Variants in PCDHGA5 observed in about 807,000 individuals in gnomAD.
PCDHGA5 encodes the protein protocadherin gamma subfamily A, 5.
A neutral mutation model predicts 56.7 loss-of-function variants in PCDHGA5; 36 were observed. The observed-to-expected ratio is 0.64, with a 90% CI of 0.49 to 0.84. The LOEUF is 0.84. PCDHGA5 is among the 40% of genes least tolerant of loss of function. The pLI is 0.00. For synonymous variants in PCDHGA5, 563 were observed against 520.2 expected (o/e 1.08, Z -1.12); for missense variants, 1,305 against 1,201.5 (o/e 1.09, Z -1.27).
Position 141,490,826 on chromosome 5 carries a change from T to A in PCDHGA5, c.2422-3981T>A, listed in dbSNP as rs1195265146. ...ACCTTTGACTATGAATTGCTGCAGA[T>A]GCTGCAGATTGTGGTGGGGGTTCGA... On this transcript the variant is annotated intron_variant, in intron 1 of 3. Coordinates refer to ENST00000518069, the MANE Select transcript of PCDHGA5 (RefSeq NM_018918.3). The surrounding 1 kb of genome is among the most constrained non-coding windows in gnomAD (Gnocchi z 5.4). 6.2e-7 allele frequency: 1 copy of A among 1,613,736 alleles called. No homozygotes were observed. The highest frequency in any genetic ancestry group is 8.5e-7 in the Non-Finnish European group (1 of 1,179,796).
intron 1 of PCDHGA5, chr5:141,410,511 G>C (rs755576652): frequency 6.2e-7 from 1 of 1,613,824 alleles, no homozygotes; most frequent in Non-Finnish European, 8.5e-7. Flanking sequence ...CTAAAATGCA[G>C]TGTGCCCCTA....
chr5:141,393,630 A>T (rs1298038670), intron 1 of PCDHGA5: 7 of 1,613,976 alleles, frequency 4.3e-6, no homozygotes, highest in Non-Finnish European at 5.9e-6. Flanking sequence ...GGATGAGGGA[A>T]TCAACGGAAA....
intron 1 of PCDHGA5, chr5:141,478,721 C>A: frequency 6.5e-7 from 1 of 1,543,216 alleles, no homozygotes; most frequent in Non-Finnish European, 8.8e-7. Context: ...TGGTGGCCTG[C>A]CAGAGTGTGG....
chr5:141,457,416 C>T (rs1378171092), intron 1 of PCDHGA5, among the ~76,000 whole-genome samples: 1 of 152,172 alleles, frequency 6.6e-6, no homozygotes, highest in Non-Finnish European at 1.5e-5. Flanking sequence ...ATTACCCATC[C>T]CTTTTTCCCC....
chr5:141,403,259 C>G, intron 1 of PCDHGA5: 1 of 1,613,866 alleles, frequency 6.2e-7, no homozygotes, highest in South Asian at 1.1e-5. Context: ...CCCGCGGTGT[C>G]TGGTGAACTT....
At position 141,490,003 on chromosome 5, in the gene PCDHGA5, G is replaced by A. The variant is rs2099694760; in HGVS notation, c.2422-4804G>A. On this transcript the variant is annotated intron_variant, in intron 1 of 3. Transcript: ENST00000518069. This position sits in a 1 kb window ranked among gnomAD's most constrained non-coding sequence, Gnocchi z 5.4. ...TCTACGTGTGGGAATCCCAGAGAAT[G>A]CACCCATTGGTACTCTGCTGCTCCG... 6.2e-7 allele frequency: 1 copy of A among 1,614,204 alleles called. No homozygotes were observed. Among genetic ancestry groups the A allele is most frequent in the Non-Finnish European group, 8.5e-7 (1 of 1,180,008 alleles).
intron 1 of PCDHGA5, among the ~76,000 whole-genome samples, chr5:141,473,466 G>A (rs1217251844): frequency 1.3e-5 from 2 of 151,738 alleles, no homozygotes; most frequent in East Asian, 1.9e-4. Flanking sequence ...TTAAAGTTGT[G>A]CCAAGTTCAA....
intron 1 of PCDHGA5, among the ~76,000 whole-genome samples, chr5:141,462,538 C>G (rs565849689): frequency 1.3e-5 from 2 of 152,102 alleles, no homozygotes; most frequent in South Asian, 2.1e-4. Context: ...GTTCAGTGAT[C>G]TTTTCTTCTT....
chr5:141,436,035 A>G (rs957896521), intron 1 of PCDHGA5, among the ~76,000 whole-genome samples: 3 of 152,178 alleles, frequency 2.0e-5, no homozygotes, highest in Non-Finnish European at 4.4e-5. Flanking sequence ...CTAAATTTGT[A>G]TTTACATTAG....
intron 2 of PCDHGA5, among the ~76,000 whole-genome samples, chr5:141,499,884 C>T (rs917762715): frequency 2.0e-5 from 3 of 152,014 alleles, no homozygotes; most frequent in Admixed American, 6.5e-5. Flanking sequence ...AACAGGGTTT[C>T]GCCATGTTGG....
chr5:141,388,849 G>A, intron 1 of PCDHGA5: 1 of 1,614,026 alleles, frequency 6.2e-7, no homozygotes, highest in Non-Finnish European at 8.5e-7. Flanking sequence ...GCAAGGGACG[G>A]TGGAGGAATG....
Position 141,490,520 on chromosome 5 carries a change from G to A in PCDHGA5, c.2422-4287G>A. 1 of 1,614,072 alleles carries A rather than the reference G, an allele frequency of 6.2e-7. No individual in the cohort carries two copies. Among genetic ancestry groups the A allele is most frequent in the Non-Finnish European group, 8.5e-7 (1 of 1,180,014 alleles). ...CACTATATCATCGAGCTGCTGGCCAGCGATGCTGGTTCACCTTCCCTACAC... is the reference window on the plus strand; with the variant it reads ...CACTATATCATCGAGCTGCTGGCCAACGATGCTGGTTCACCTTCCCTACAC... On this transcript the variant is annotated intron_variant, in intron 1 of 3. Coordinates refer to ENST00000518069, the MANE Select transcript of PCDHGA5 (RefSeq NM_018918.3). The surrounding 1 kb of genome is among the most constrained non-coding windows in gnomAD (Gnocchi z 5.4).
intron 1 of PCDHGA5, chr5:141,370,324 C>A: frequency 7.3e-7 from 1 of 1,378,620 alleles, no homozygotes. Flanking sequence ...TGGTCCTGCT[C>A]GGAGAACTCT....
intron 1 of PCDHGA5, among the ~76,000 whole-genome samples, chr5:141,483,522 C>G (rs557644901): frequency 9.3e-6 from 1 of 107,172 alleles, no homozygotes; most frequent in African/African-American, 3.9e-5. Flanking sequence ...TAGATCCTGA[C>G]TAAGGAAGCT....
chr5:141,505,252 C>T (rs2099844831), intron 2 of PCDHGA5, 141 bp from the exon 3 acceptor site: 1 of 1,454,140 alleles, frequency 6.9e-7, no homozygotes, highest in Non-Finnish European at 9.2e-7. Context: ...TGTAGAAGTG[C>T]CTCCTACCTT....
intron 1 of PCDHGA5, chr5:141,403,291 A>T: frequency 6.2e-7 from 1 of 1,613,918 alleles, no homozygotes; most frequent in Non-Finnish European, 8.5e-7. Flanking sequence ...TTGAAGACAG[A>T]GTGAAACTGT....
At chr5:141,473,988 G>C (rs1006988447) in intron 1 of PCDHGA5, among the ~76,000 whole-genome samples, 8 of 152,118 alleles carry the variant, frequency 5.3e-5, no homozygotes, top group Non-Finnish European at 4.4e-5. Context: ...AGGATCCCTT[G>C]AGCCCAAGGA....
intron 1 of PCDHGA5, chr5:141,379,270 GATTT>G (rs1013953164): frequency 5.3e-5 from 8 of 152,170 alleles, no homozygotes; most frequent in African/African-American, 7.2e-5. Context: ...AATTGTTATA[GATTT>G]ATTTATTTCA....
intron 2 of PCDHGA5, among the ~76,000 whole-genome samples, chr5:141,501,771 G>A (rs957546749): frequency 7.2e-5 from 11 of 152,118 alleles, no homozygotes; most frequent in African/African-American, 2.7e-4. Context: ...GGTTAAAAAA[G>A]AGGTCTCTCT....
Sources: allele counts gnomAD v4.1 joint callset (sites outside exome capture counted in the v4.1 genomes callset), GRCh38; gene constraint gnomAD v4.1.1; non-coding constraint Gnocchi (gnomAD v3.1); transcripts MANE v1.5; gene names NCBI Gene and HGNC (gene_info 2026-07-23, HGNC 2026-07-21).